SPAG16: variants seen among roughly 807,000 people sequenced by gnomAD.
SPAG16 encodes the protein sperm-associated antigen 16 protein.
SPAG16 carries 86 observed loss-of-function variants against 80.4 expected under a neutral mutation model. The ratio of observed to expected loss-of-function variants is 1.07; its 90% CI spans 0.90 to 1.28. The LOEUF is 1.28. Among genes scored for constraint, SPAG16 ranks in the 50% most tolerant of loss-of-function variants. The pLI, the probability that SPAG16 is intolerant of heterozygous loss-of-function variation, is 0.00. For missense variants in SPAG16, 870 were observed against 765.3 expected (o/e 1.14, Z -1.61); for synonymous variants, 294 against 265.9 (o/e 1.11, Z -1.03).
chr2:214,264,796 T>A (rs1691433753), intron 15 of SPAG16, among the ~76,000 whole-genome samples: 1 of 152,174 alleles, frequency 6.6e-6, no homozygotes, highest in Non-Finnish European at 1.5e-5. Flanking sequence ...TCCTTCCTCC[T>A]AAACTCTTGG....
chr2:213,949,179 T>TTTTTTTTTTTTTTTGTTTTTTG (rs1575623841), intron 12 of SPAG16, among the ~76,000 whole-genome samples: 3 of 36,254 alleles, frequency 8.3e-5, no homozygotes, highest in African/African-American at 1.6e-4. Context: ...GTTTTTTTTT[T>TTTTTTTTTTTTTTTGTTTTTTG]TTTTTTTTTT....
intron 9 of SPAG16, among the ~76,000 whole-genome samples, chr2:213,448,197 T>C (rs2071461398): frequency 6.6e-6 from 1 of 152,248 alleles, no homozygotes; most frequent in African/African-American, 2.4e-5. Context: ...GAACATCGCA[T>C]GCAAATGCAG....
intron 1 of SPAG16, among the ~76,000 whole-genome samples, chr2:213,293,359 T>C (rs2062372491): frequency 1.3e-5 from 2 of 152,206 alleles, no homozygotes; most frequent in South Asian, 4.1e-4. Context: ...CCTCCTAATA[T>C]TCATGCTCTT....
chr2:213,857,399 A>G lies in SPAG16; in HGVS notation c.1071-5086A>G, dbSNP rs550179445. ...TAACTTTAAGTTGAAGCCAATGCTCATTGACCATGTTGAAAATCCTAGGAT... is the reference window on the plus strand; with the variant it reads ...TAACTTTAAGTTGAAGCCAATGCTCGTTGACCATGTTGAAAATCCTAGGAT... On this transcript the variant is annotated intron_variant, in intron 10 of 15. Coordinates refer to ENST00000331683, the MANE Select transcript of SPAG16 (RefSeq NM_024532.5). 1.1e-4 allele frequency among the ~76,000 whole-genome samples: 17 copies of G among 152,324 alleles called. No homozygotes were observed. In the South Asian group the frequency reaches 3.3e-3, roughly 30 times the overall value.
At chr2:213,337,672 G>GA (rs889895432) in intron 5 of SPAG16, among the ~76,000 whole-genome samples, 1 of 151,774 alleles carries the variant, frequency 6.6e-6, no homozygotes, top group Non-Finnish European at 1.5e-5. Flanking sequence ...CAAGAGGAGA[G>GA]AAAAAAAGAA....
chr2:214,253,843 A>G (rs1289592797), intron 15 of SPAG16, among the ~76,000 whole-genome samples: 9 of 152,170 alleles, frequency 5.9e-5, no homozygotes, highest in Admixed American at 5.9e-4. Context: ...CTGTGAGGAA[A>G]GTCAATGGAG....
At chr2:214,117,208 T>C (rs1463791269) in intron 14 of SPAG16, among the ~76,000 whole-genome samples, 1 of 151,970 alleles carries the variant, frequency 6.6e-6, no homozygotes, top group Non-Finnish European at 1.5e-5. Context: ...AAAAATATAA[T>C]GAATGAAATA....
At chr2:214,344,880 G>T (rs1163591662) in intron 15 of SPAG16, among the ~76,000 whole-genome samples, 1 of 152,040 alleles carries the variant, frequency 6.6e-6, no homozygotes, top group Non-Finnish European at 1.5e-5. Flanking sequence ...TCTAGTAACT[G>T]GGCTCTTCAT....
intron 10 of SPAG16, among the ~76,000 whole-genome samples, chr2:213,492,508 C>T (rs2074297884): frequency 6.6e-6 from 1 of 151,962 alleles, no homozygotes; most frequent in Non-Finnish European, 1.5e-5. Flanking sequence ...CAAGATCGTG[C>T]CACTGCCCTC....
At chr2:214,274,284 A>G (rs13035537) in intron 15 of SPAG16, among the ~76,000 whole-genome samples, 59,548 of 151,966 alleles carry the variant, frequency 0.39, 14,377 homozygotes, top group South Asian at 0.57. Context: ...AATACCCTTT[A>G]TTTCTTTCTC....
intron 10 of SPAG16, among the ~76,000 whole-genome samples, chr2:213,790,310 T>C (rs12467712): frequency 0.61 from 92,146 of 151,520 alleles, 29,902 homozygotes; most frequent in South Asian, 0.86. Flanking sequence ...ACTCCTCATC[T>C]CCAACTCTCA....
intron 9 of SPAG16, among the ~76,000 whole-genome samples, chr2:213,477,066 G>T (rs2073441763): frequency 6.6e-6 from 1 of 152,036 alleles, no homozygotes; most frequent in Non-Finnish European, 1.5e-5. Context: ...TTGGTCCATG[G>T]GTGGGCTCGA....
chr2:214,066,679 A>T (rs968948309), intron 13 of SPAG16, among the ~76,000 whole-genome samples: 2 of 152,236 alleles, frequency 1.3e-5, no homozygotes, highest in South Asian at 2.1e-4. Context: ...CACTCAATAA[A>T]CTCAAAAACT....
chr2:213,810,638 A>G (rs941422977), intron 10 of SPAG16, among the ~76,000 whole-genome samples: 2 of 152,194 alleles, frequency 1.3e-5, no homozygotes, highest in Admixed American at 6.5e-5. Context: ...GTTTGAGGGA[A>G]GGAAGTCAAT....
chr2:213,798,176 C>A (rs1304848044), intron 10 of SPAG16, among the ~76,000 whole-genome samples: 1 of 152,148 alleles, frequency 6.6e-6, no homozygotes, highest in Non-Finnish European at 1.5e-5. Flanking sequence ...GACTTGTAAG[C>A]GTTCTTTATA....
At chr2:214,084,624 G>T (rs2051601944) in intron 13 of SPAG16, among the ~76,000 whole-genome samples, 1 of 152,082 alleles carries the variant, frequency 6.6e-6, no homozygotes, top group African/African-American at 2.4e-5. Context: ...TGTTGTCACT[G>T]CCCCAACTTT....
At chr2:213,646,643 T>C (rs548614321) in intron 10 of SPAG16, among the ~76,000 whole-genome samples, 1 of 152,366 alleles carries the variant, frequency 6.6e-6, no homozygotes, top group Non-Finnish European at 1.5e-5. Context: ...ACGTGAGTCC[T>C]CTGAGTCTTT....
chr2:213,623,981 A>G (rs1350991495), intron 10 of SPAG16, among the ~76,000 whole-genome samples: 2 of 152,170 alleles, frequency 1.3e-5, no homozygotes, highest in Non-Finnish European at 2.9e-5. Flanking sequence ...GTTAAACACA[A>G]TTTATTAGAT....
At chr2:213,359,315 C>G (rs1443009665) in intron 7 of SPAG16, among the ~76,000 whole-genome samples, 1 of 152,218 alleles carries the variant, frequency 6.6e-6, no homozygotes, top group Non-Finnish European at 1.5e-5. Flanking sequence ...TCAGAGCTGT[C>G]AGACATGGGG....
Sources: allele counts gnomAD v4.1 joint callset (sites outside exome capture counted in the v4.1 genomes callset), GRCh38; gene constraint gnomAD v4.1.1; transcripts MANE v1.5; gene names NCBI Gene and HGNC (gene_info 2026-07-23, HGNC 2026-07-21).